Variants in MECOM observed in about 807,000 individuals in gnomAD.
MECOM encodes MDS1 and EVI1 complex locus.
In MECOM, 13 loss-of-function variants were observed where a neutral mutation model predicts 116.3. That is an observed-to-expected ratio of 0.11 (90% confidence interval 0.07 to 0.18). MECOM has a LOEUF of 0.18. Among genes scored for constraint, MECOM ranks in the 10% least tolerant of loss-of-function variants. MECOM has a pLI of 1.00. For missense variants in MECOM, 1,299 were observed against 1,509.0 expected (o/e 0.86, Z 2.31); for synonymous variants, 528 against 535.2 (o/e 0.99, Z 0.19).
At chr3:169,535,612 T>G (rs1263911746) in intron 1 of MECOM, among the ~76,000 whole-genome samples, 1 of 152,172 alleles carries the variant, frequency 6.6e-6, no homozygotes. Context: ...TCTCCCCTCC[T>G]TCATTTTTCT....
At chr3:169,227,585 A>G (rs1245546259) in intron 2 of MECOM, among the ~76,000 whole-genome samples, 1 of 152,212 alleles carries the variant, frequency 6.6e-6, no homozygotes, top group Non-Finnish European at 1.5e-5. Flanking sequence ...GACCCCAACC[A>G]TCTACCACAA....
intron 2 of MECOM, among the ~76,000 whole-genome samples, chr3:169,212,338 G>A (rs1400226031): frequency 6.6e-6 from 1 of 151,492 alleles, no homozygotes. Flanking sequence ...TCTACTACAT[G>A]TAGAATAAAA....
At chr3:169,309,082 T>G (rs1400494516) in intron 2 of MECOM, among the ~76,000 whole-genome samples, 2 of 152,020 alleles carry the variant, frequency 1.3e-5, no homozygotes, top group Non-Finnish European at 2.9e-5. Context: ...AAGCCAAAAA[T>G]AATATATTTT....
chr3:169,528,503 G>A (rs995276929), intron 1 of MECOM, among the ~76,000 whole-genome samples: 2 of 152,188 alleles, frequency 1.3e-5, no homozygotes, highest in Non-Finnish European at 1.5e-5. Flanking sequence ...TTTAAATTGA[G>A]TGTTTGAACT....
At chr3:169,161,589 T>C (rs1383652877) in intron 2 of MECOM, among the ~76,000 whole-genome samples, 1 of 152,142 alleles carries the variant, frequency 6.6e-6, no homozygotes, top group Admixed American at 6.5e-5. Context: ...AGAAGATAAA[T>C]ATACTGAATA....
chr3:169,274,301 A>C (rs1362260191), intron 2 of MECOM, among the ~76,000 whole-genome samples: 1 of 152,188 alleles, frequency 6.6e-6, no homozygotes, highest in Non-Finnish European at 1.5e-5. Flanking sequence ...TTCAATAAAC[A>C]TTCACTTGTT....
intron 12 of MECOM, among the ~76,000 whole-genome samples, chr3:169,097,241 T>C (rs998199735): frequency 6.6e-6 from 1 of 152,084 alleles, no homozygotes; most frequent in Non-Finnish European, 1.5e-5. Flanking sequence ...AAGGGTCTTT[T>C]CCAAATCTAG....
intron 1 of MECOM, among the ~76,000 whole-genome samples, chr3:169,513,296 A>G (rs1476966033): frequency 6.6e-6 from 1 of 152,234 alleles, no homozygotes; most frequent in East Asian, 1.9e-4. Flanking sequence ...GTGAAGGCAG[A>G]TGAATCTGCC....
intron 1 of MECOM, among the ~76,000 whole-genome samples, chr3:169,394,985 G>A (rs1259523650): frequency 6.6e-6 from 1 of 152,094 alleles, no homozygotes; most frequent in Non-Finnish European, 1.5e-5. Context: ...TTTTCTAGAT[G>A]GAAAAGAAGT....
chr3:169,582,455 A>T (rs564243318), intron 1 of MECOM, among the ~76,000 whole-genome samples: 50 of 152,212 alleles, frequency 3.3e-4, no homozygotes, highest in Admixed American at 2.2e-3. Flanking sequence ...CAGAGTGGTT[A>T]AAGAAAATGG....
At chr3:169,289,123 C>T (rs1409439560) in intron 2 of MECOM, among the ~76,000 whole-genome samples, 1 of 152,120 alleles carries the variant, frequency 6.6e-6, no homozygotes, top group Non-Finnish European at 1.5e-5. Context: ...GAATTGAATA[C>T]CTAGAACAAT....
intron 2 of MECOM, among the ~76,000 whole-genome samples, chr3:169,380,196 C>T (rs79901225): frequency 0.015 from 2,270 of 152,170 alleles, 67 homozygotes; most frequent in African/African-American, 0.052. Flanking sequence ...ATTAAGGAAA[C>T]ATACCGAAAT....
intron 2 of MECOM, chr3:169,146,713 G>A: frequency 8.0e-7 from 1 of 1,244,116 alleles, no homozygotes; most frequent in African/African-American, 1.6e-5. Context: ...AAAGTGAGGA[G>A]TTCTCTTACC....
chr3:169,624,795 T>C (rs1396552597), intron 1 of MECOM, among the ~76,000 whole-genome samples: 1 of 152,162 alleles, frequency 6.6e-6, no homozygotes, highest in Non-Finnish European at 1.5e-5. Flanking sequence ...CCAGACACAC[T>C]GTCTGGTGTG....
chr3:169,421,395 T>C (rs1465940405), intron 1 of MECOM, among the ~76,000 whole-genome samples: 1 of 152,142 alleles, frequency 6.6e-6, no homozygotes, highest in African/African-American at 2.4e-5. Context: ...GCTGTGCTGT[T>C]CTAAATGACA....
chr3:169,373,655 T>C (rs555703457), intron 2 of MECOM, among the ~76,000 whole-genome samples: 66 of 152,142 alleles, frequency 4.3e-4, no homozygotes, highest in African/African-American at 1.3e-3. Context: ...AATCACATCA[T>C]GGAAAATGGG....
At chr3:169,600,287 T>C (rs1222247337) in intron 1 of MECOM, among the ~76,000 whole-genome samples, 2 of 152,110 alleles carry the variant, frequency 1.3e-5, no homozygotes, top group African/African-American at 4.8e-5. Context: ...TTATAAATTT[T>C]TTAAACTGAG....
intron 2 of MECOM, among the ~76,000 whole-genome samples, chr3:169,192,524 A>G (rs1021439052): frequency 6.6e-6 from 1 of 152,062 alleles, no homozygotes; most frequent in Non-Finnish European, 1.5e-5. Flanking sequence ...AGTAGAAAGT[A>G]TTACTGAAGA....
At chr3:169,649,769 T>C (rs943697428) in intron 1 of MECOM, among the ~76,000 whole-genome samples, 1 of 152,176 alleles carries the variant, frequency 6.6e-6, no homozygotes, top group African/African-American at 2.4e-5. Flanking sequence ...TTGAAACAAA[T>C]ATTGTGCTCT....
Sources: allele counts gnomAD v4.1 joint callset (sites outside exome capture counted in the v4.1 genomes callset), GRCh38; gene constraint gnomAD v4.1.1; transcripts MANE v1.5; gene names NCBI Gene and HGNC (gene_info 2026-07-23, HGNC 2026-07-21).